The following KLHL32 variants were observed in gnomAD, a reference collection of about 807,000 sequenced individuals.
The protein encoded by KLHL32 is kelch like family member 32.
Under a neutral mutation model 64.8 loss-of-function variants are expected in KLHL32, and 35 were observed. The ratio of observed to expected loss-of-function variants is 0.54; its 90% CI spans 0.41 to 0.72. The LOEUF (loss-of-function observed/expected upper bound fraction) is 0.72. Among genes scored for constraint, KLHL32 ranks in the 30% least tolerant of loss-of-function variants. The pLI is 0.00. For missense variants in KLHL32, 589 were observed against 768.5 expected (o/e 0.77, Z 2.76); for synonymous variants, 259 against 281.0 (o/e 0.92, Z 0.78).
At chr6:96,935,838 T>C (rs1024087180) in intron 1 of KLHL32, among the ~76,000 whole-genome samples, 26 of 152,234 alleles carry the variant, frequency 1.7e-4, no homozygotes, top group African/African-American at 6.3e-4. Context: ...TTTATTTAAA[T>C]CTCTATGCAA....
At chr6:97,050,534 G>C (rs376451165) in intron 4 of KLHL32, among the ~76,000 whole-genome samples, 117 of 152,190 alleles carry the variant, frequency 7.7e-4, no homozygotes, top group African/African-American at 2.7e-3. Flanking sequence ...CCTTTGCTCA[G>C]ATGTAAGGCA....
At chr6:97,117,165 A>C (rs1323764098) in intron 7 of KLHL32, among the ~76,000 whole-genome samples, 1 of 152,214 alleles carries the variant, frequency 6.6e-6, no homozygotes, top group Non-Finnish European at 1.5e-5. Flanking sequence ...CCTTAACAAA[A>C]ATACAGGTAT....
the KLHL32 span, among the ~76,000 whole-genome samples, chr6:96,899,737 A>C: frequency 6.6e-6 from 1 of 152,194 alleles, no homozygotes; most frequent in Non-Finnish European, 1.5e-5. Context: ...TAAATGCATA[A>C]TTCCAGCTCT....
the KLHL32 span, among the ~76,000 whole-genome samples, chr6:96,914,542 C>T: frequency 6.6e-6 from 1 of 152,124 alleles, no homozygotes; most frequent in South Asian, 2.1e-4. Flanking sequence ...AGCAGATCCC[C>T]AGACAAGTCA....
chr6:96,996,021 G>A (rs1778382346), intron 3 of KLHL32, among the ~76,000 whole-genome samples: 1 of 152,206 alleles, frequency 6.6e-6, no homozygotes, highest in Non-Finnish European at 1.5e-5. Flanking sequence ...GCCTCGAGTG[G>A]TGGGGACAAG....
intron 10 of KLHL32, among the ~76,000 whole-genome samples, chr6:97,137,193 G>A (rs1455004627): frequency 6.6e-6 from 1 of 152,118 alleles, no homozygotes; most frequent in Non-Finnish European, 1.5e-5. Flanking sequence ...AATCTTGAAA[G>A]ATTCTCTAGG....
intron 3 of KLHL32, among the ~76,000 whole-genome samples, chr6:96,985,233 A>G (rs1230866777): frequency 2.6e-5 from 4 of 152,222 alleles, no homozygotes; most frequent in Non-Finnish European, 2.9e-5. Context: ...GTTTCTGCCA[A>G]GAGATCAGCT....
chr6:97,051,713 G>A (rs1360480760), intron 4 of KLHL32, among the ~76,000 whole-genome samples: 1 of 152,072 alleles, frequency 6.6e-6, no homozygotes, highest in South Asian at 2.1e-4. Flanking sequence ...CTTCCTTTAG[G>A]TGCTCCCTCA....
intron 1 of KLHL32, among the ~76,000 whole-genome samples, chr6:96,928,002 A>G (rs921821876): frequency 6.6e-6 from 1 of 152,242 alleles, no homozygotes; most frequent in Non-Finnish European, 1.5e-5. Context: ...GAGCAATGAA[A>G]GAAATCTTGC....
intron 7 of KLHL32, among the ~76,000 whole-genome samples, chr6:97,120,535 G>C (rs547018843): frequency 6.6e-6 from 1 of 152,328 alleles, no homozygotes; most frequent in South Asian, 2.1e-4. Context: ...AGGCAGATCT[G>C]TGGATTCACT....
chr6:97,026,094 T>TTA (rs775887367), intron 3 of KLHL32, among the ~76,000 whole-genome samples: 10 of 151,818 alleles, frequency 6.6e-5, no homozygotes, highest in Admixed American at 5.2e-4. Context: ...AATAAATACA[T>TTA]TATATATATA....
chr6:96,931,109 A>AAAAC (rs71820477), intron 1 of KLHL32, among the ~76,000 whole-genome samples: 3 of 152,178 alleles, frequency 2.0e-5, no homozygotes, highest in South Asian at 2.1e-4. Context: ...ACCAGGATAA[A>AAAAC]AAACAAACAA....
intron 2 of KLHL32, among the ~76,000 whole-genome samples, chr6:96,972,993 T>A (rs868233862): frequency 1.3e-5 from 2 of 152,242 alleles, no homozygotes; most frequent in African/African-American, 4.8e-5. Context: ...GAAGTTACTT[T>A]CAGAATACAA....
chr6:97,001,481 T>A (rs1376615092), intron 3 of KLHL32, among the ~76,000 whole-genome samples: 1 of 152,202 alleles, frequency 6.6e-6, no homozygotes, highest in Non-Finnish European at 1.5e-5. Flanking sequence ...TTTGTTTGTT[T>A]GTTTGTTTGA....
chr6:97,022,673 T>C (rs2128106036), intron 3 of KLHL32, among the ~76,000 whole-genome samples: 1 of 152,134 alleles, frequency 6.6e-6, no homozygotes, highest in South Asian at 2.1e-4. Flanking sequence ...TTTCATCATG[T>C]TGGCCAGGCT....
intron 5 of KLHL32, among the ~76,000 whole-genome samples, chr6:97,080,001 C>T (rs6568733): frequency 0.1 from 15,134 of 152,022 alleles, 1,267 homozygotes; most frequent in Admixed American, 0.24. Flanking sequence ...GAGACAATCT[C>T]GTAATTAGGA....
chr6:96,911,799 C>G, the KLHL32 span, among the ~76,000 whole-genome samples: 58 of 144,300 alleles, frequency 4.0e-4, no homozygotes, highest in Admixed American at 2.0e-3. Context: ...TATTCTTTTT[C>G]CATATATCTC....
chr6:97,078,540 G>A (rs932822091), intron 5 of KLHL32, among the ~76,000 whole-genome samples: 1 of 152,148 alleles, frequency 6.6e-6, no homozygotes, highest in Non-Finnish European at 1.5e-5. Flanking sequence ...CTTAGAGGGG[G>A]AAAACTTGGG....
chr6:97,111,468 C>T (rs926540813), intron 6 of KLHL32, among the ~76,000 whole-genome samples: 7 of 152,276 alleles, frequency 4.6e-5, no homozygotes, highest in South Asian at 2.1e-4. Context: ...CACTCGAACC[C>T]GCTGCACCCA....
Sources: gnomAD v4.1 joint callset for allele counts (sites outside exome capture counted in the v4.1 genomes callset) on GRCh38, gnomAD v4.1.1 for gene constraint, MANE v1.5 for transcripts, NCBI Gene and HGNC (gene_info 2026-07-23, HGNC 2026-07-21) for gene names.